SYNPR: variants seen among roughly 807,000 people sequenced by gnomAD.
The protein encoded by SYNPR is synaptoporin.
In SYNPR, 23 loss-of-function variants were observed where a neutral mutation model predicts 32.9. That is an observed-to-expected ratio of 0.70 (90% confidence interval 0.50 to 0.99). SYNPR has a LOEUF of 0.99. Ranked by LOEUF, SYNPR falls within the 50% of genes least tolerant of loss-of-function variation. The pLI is 0.00. For missense variants in SYNPR, 318 were observed against 349.3 expected, an observed-to-expected ratio of 0.91 and a Z score of 0.71; for synonymous variants, 146 against 135.9, an observed-to-expected ratio of 1.07 and a Z score of -0.52.
At chr3:63,464,510 CTAAGAA>C (rs1400020732) in intron 2 of SYNPR, among the ~76,000 whole-genome samples, 2 of 152,120 alleles carry the variant, frequency 1.3e-5, no homozygotes, top group South Asian at 2.1e-4. Context: ...TCTTCCTTTA[CTAAGAA>C]TAAGATCCTT....
chr3:63,474,855 T>C (rs1214729621), intron 2 of SYNPR, among the ~76,000 whole-genome samples: 2 of 152,088 alleles, frequency 1.3e-5, no homozygotes, highest in Non-Finnish European at 2.9e-5. Flanking sequence ...TTGGGAGATG[T>C]CCCCTCCCTG....
Position 63,469,207 on chromosome 3 carries a change from G to A in SYNPR, c.85-11625G>A, listed in dbSNP as rs535140407. On this transcript the variant is annotated intron_variant, in intron 2 of 5. Coordinates refer to ENST00000478300, the MANE Select transcript of SYNPR (RefSeq NM_001130003.2). ...CTATTCTAAAGTATAAGGGGAGGAG[G>A]AAGTTGAGGGTTGTGACTTATCTTC... 3.9e-5 allele frequency among the ~76,000 whole-genome samples: 6 copies of A among 152,240 alleles called. No individual in the cohort carries two copies. The South Asian group carries it at 6.2e-4, about 16-fold the overall frequency.
At chr3:63,449,450 T>C (rs889232464) in intron 2 of SYNPR, among the ~76,000 whole-genome samples, 4 of 152,158 alleles carry the variant, frequency 2.6e-5, no homozygotes, top group African/African-American at 9.7e-5. Context: ...GGCTGTTTTA[T>C]GTATTATAAG....
chr3:63,466,437 G>T (rs1406637109), intron 2 of SYNPR, among the ~76,000 whole-genome samples: 3 of 150,342 alleles, frequency 2.0e-5, no homozygotes, highest in Non-Finnish European at 4.4e-5. Context: ...ATAGAGGCTT[G>T]CACAAATTCA....
At chr3:63,262,848 T>C (rs996491026) in intron 2 of SYNPR, among the ~76,000 whole-genome samples, 3 of 152,234 alleles carry the variant, frequency 2.0e-5, no homozygotes, top group Admixed American at 1.3e-4. Context: ...GTAACACTTA[T>C]GTTGGGCTCA....
intron 3 of SYNPR, among the ~76,000 whole-genome samples, chr3:63,514,757 T>A (rs1417687265): frequency 6.6e-6 from 1 of 152,168 alleles, no homozygotes; most frequent in East Asian, 1.9e-4. Context: ...TTTTAGCTTT[T>A]TCTCCAAGCT....
intron 2 of SYNPR, among the ~76,000 whole-genome samples, chr3:63,397,695 T>C (rs904255241): frequency 6.6e-6 from 1 of 152,166 alleles, no homozygotes; most frequent in Non-Finnish European, 1.5e-5. Flanking sequence ...GCAGATTCAG[T>C]TTCAACCTAT....
chr3:63,327,840 A>G (rs1014332687), intron 2 of SYNPR, among the ~76,000 whole-genome samples: 1 of 152,072 alleles, frequency 6.6e-6, no homozygotes, highest in Admixed American at 6.6e-5. Flanking sequence ...TGATCTAGGG[A>G]TTGAGTAATA....
intron 2 of SYNPR, among the ~76,000 whole-genome samples, chr3:63,413,116 A>C (rs1221807767): frequency 6.6e-6 from 1 of 152,234 alleles, no homozygotes; most frequent in African/African-American, 2.4e-5. Context: ...AAATTAGATA[A>C]CGATCAAAAA....
chr3:63,458,361 T>C (rs1256877492), intron 2 of SYNPR, among the ~76,000 whole-genome samples: 2 of 152,242 alleles, frequency 1.3e-5, no homozygotes, highest in East Asian at 1.9e-4. Context: ...CTGGGTAGCA[T>C]GTCTGCTGAT....
intron 4 of SYNPR, among the ~76,000 whole-genome samples, chr3:63,578,829 G>GATAC (rs1703038894): frequency 6.6e-6 from 1 of 152,124 alleles, no homozygotes; most frequent in Non-Finnish European, 1.5e-5. Flanking sequence ...CAGCAAGGCA[G>GATAC]ATACACCCAG....
At chr3:63,224,448 A>G (rs1259319434), upstream of SYNPR, among the ~76,000 whole-genome samples, 1 of 152,194 alleles carries the variant, frequency 6.6e-6, no homozygotes, top group Non-Finnish European at 1.5e-5. Context: ...AGACATGACT[A>G]ATTTTTACCA....
At chr3:63,550,820 T>G (rs936725515) in intron 3 of SYNPR, among the ~76,000 whole-genome samples, 3 of 152,198 alleles carry the variant, frequency 2.0e-5, no homozygotes, top group African/African-American at 7.2e-5. Flanking sequence ...TGTCTCAAGA[T>G]TAAAGCCAAA....
the SYNPR span, among the ~76,000 whole-genome samples, chr3:63,210,533 T>C: frequency 6.6e-6 from 1 of 152,226 alleles, no homozygotes; most frequent in Non-Finnish European, 1.5e-5. Context: ...TTGGTCTGGT[T>C]TCCTACAAAC....
intron 3 of SYNPR, among the ~76,000 whole-genome samples, chr3:63,508,851 G>C (rs1340986349): frequency 2.6e-5 from 4 of 151,990 alleles, no homozygotes; most frequent in Admixed American, 1.3e-4. Context: ...AAGAAAAGAA[G>C]GTACTAGGCA....
intron 2 of SYNPR, among the ~76,000 whole-genome samples, chr3:63,476,353 AG>A (rs1700922340): frequency 1.6e-5 from 2 of 124,744 alleles, no homozygotes; most frequent in African/African-American, 6.6e-5. Context: ...GAAGGAGGGA[AG>A]GGAAGGGAAG....
At chr3:63,452,906 C>T (rs372879188) in intron 2 of SYNPR, among the ~76,000 whole-genome samples, 1 of 152,192 alleles carries the variant, frequency 6.6e-6, no homozygotes, top group East Asian at 1.9e-4. Context: ...TCAATTAGAG[C>T]CACAATAATC....
chr3:63,595,714 A>ATT lies in SYNPR; in HGVS notation c.409-13408_409-13407dup, dbSNP rs59324330. Among the ~76,000 whole-genome samples, 39 of 33,224 alleles carry ATT rather than the reference A, an allele frequency of 1.2e-3. 1 individual carries two copies. The highest frequency in any genetic ancestry group is 3.6e-3 in the African/African-American group (34 of 9,372). The allele number at this position is 33,224 out of a possible 152,430, so 21.8% of individuals were successfully genotyped here. On this transcript the variant is annotated intron_variant, in intron 4 of 5. Transcript: ENST00000478300. ...GATGGTGGTGGGACTTCTGAATCTT[A>ATT]TTTTATATATATATATATATATATA... is the stretch of plus-strand genomic sequence containing the variant.
chr3:63,238,877 G>A (rs2086217508), intron 1 of SYNPR, among the ~76,000 whole-genome samples: 1 of 152,062 alleles, frequency 6.6e-6, no homozygotes, highest in Admixed American at 6.6e-5. Context: ...TATCTTGGAG[G>A]AGGCTGTGTT....
Sources: allele counts gnomAD v4.1 joint callset (sites outside exome capture counted in the v4.1 genomes callset), GRCh38; gene constraint gnomAD v4.1.1; transcripts MANE v1.5; gene names NCBI Gene and HGNC (gene_info 2026-07-23, HGNC 2026-07-21).